The following HERC1 variants were observed in gnomAD, a reference collection of about 807,000 sequenced individuals.
HERC1 encodes the protein probable E3 ubiquitin-protein ligase HERC1.
HERC1 carries 160 observed loss-of-function variants against 554.3 expected under a neutral mutation model. The observed-to-expected ratio is 0.29, with a 90% CI of 0.25 to 0.33. HERC1 has a LOEUF of 0.33. Ranked by LOEUF, HERC1 falls within the 10% of genes least tolerant of loss-of-function variation. The pLI is 1.00. For missense variants in HERC1, 4,919 were observed against 5,918.5 expected, an observed-to-expected ratio of 0.83 and a Z score of 5.54; for synonymous variants, 2,175 against 2,131.7, an observed-to-expected ratio of 1.02 and a Z score of -0.56.
chr15:63,752,891 T>C, intron 8 of HERC1, 67 bp downstream of exon 8: 1 of 1,355,624 alleles, frequency 7.4e-7, no homozygotes, highest in Non-Finnish European at 1.0e-6. Context: ...TAAATACAAG[T>C]ATTACTTTTT....
chr15:63,822,115 G>A (rs1312356262), intron 1 of HERC1, among the ~76,000 whole-genome samples: 1 of 152,126 alleles, frequency 6.6e-6, no homozygotes, highest in Non-Finnish European at 1.5e-5. Context: ...AAAACTTGAG[G>A]AAAGGGACGA....
intron 55 of HERC1, among the ~76,000 whole-genome samples, chr15:63,647,451 A>G (rs2069416708): frequency 6.6e-6 from 1 of 152,142 alleles, no homozygotes; most frequent in Admixed American, 6.5e-5. Flanking sequence ...GGATTTCTCA[A>G]TGAACAAAAA....
intron 48 of HERC1, among the ~76,000 whole-genome samples, chr15:63,657,785 A>G (rs992744301): frequency 4.6e-5 from 7 of 152,078 alleles, no homozygotes; most frequent in Non-Finnish European, 1.0e-4. Context: ...TCTAATAGCC[A>G]CTTTATAACT....
intron 30 of HERC1, among the ~76,000 whole-genome samples, chr15:63,693,139 C>T (rs1265589971): frequency 6.6e-6 from 1 of 152,066 alleles, no homozygotes; most frequent in Non-Finnish European, 1.5e-5. Flanking sequence ...GATCATGCCA[C>T]TGCACTCCAG....
intron 42 of HERC1, among the ~76,000 whole-genome samples, chr15:63,665,616 A>G (rs1431111289): frequency 6.6e-6 from 1 of 152,270 alleles, no homozygotes; most frequent in Non-Finnish European, 1.5e-5. Flanking sequence ...TATCACTTGT[A>G]CGAGATAAAA....
rs558628958 is a variant in HERC1, at chr15:63,612,633, G to A, written c.14095-77C>T. ...CACCAAGGGCCCTGTGGGGCTAGGC[G>A]CCTCCTGATGCCTGCTCGTCCGCTC... On this transcript the variant is annotated intron_variant, in intron 76 of 77. Coordinates refer to ENST00000443617, the MANE Select transcript of HERC1 (RefSeq NM_003922.4). The surrounding 1 kb of genome is among the most constrained non-coding windows in gnomAD (Gnocchi z 5.0). 2.3e-5 allele frequency: 31 copies of A among 1,357,938 alleles called. No individual in the cohort carries two copies. The Middle Eastern group carries it at 5.8e-4, about 25-fold the overall frequency. 84.1% of individuals were successfully genotyped at this position (1,357,938 alleles called of 1,614,324 possible).
At chr15:63,763,676 T>C (rs898414617) in intron 3 of HERC1, among the ~76,000 whole-genome samples, 3 of 152,040 alleles carry the variant, frequency 2.0e-5, no homozygotes, top group South Asian at 2.1e-4. Flanking sequence ...AAAGTCACAA[T>C]AGTGGTTACT....
intron 1 of HERC1, among the ~76,000 whole-genome samples, chr15:63,802,492 A>G (rs1309161428): frequency 6.6e-6 from 1 of 152,232 alleles, no homozygotes; most frequent in Non-Finnish European, 1.5e-5. Context: ...TTCTAGAACC[A>G]CCAGTTCACA....
chr15:63,766,722 G>C (rs182213160), intron 2 of HERC1, among the ~76,000 whole-genome samples: 1,707 of 152,354 alleles, frequency 0.011, 16 homozygotes, highest in Non-Finnish European at 0.015. Flanking sequence ...TTGTTGCCCA[G>C]GCTGGAGTGC....
intron 34 of HERC1, among the ~76,000 whole-genome samples, chr15:63,683,334 T>TCTATAA (rs1369473051): frequency 1.3e-5 from 2 of 152,140 alleles, no homozygotes; most frequent in Non-Finnish European, 2.9e-5. Context: ...AAAACAAGTG[T>TCTATAA]CTATAACTGG....
chr15:63,711,565 T>C (rs572367929), intron 24 of HERC1, among the ~76,000 whole-genome samples: 65 of 152,372 alleles, frequency 4.3e-4, no homozygotes, highest in Non-Finnish European at 8.5e-4. Flanking sequence ...GAATCCTTTA[T>C]GGAAGCTTTT....
intron 64 of HERC1, chr15:63,637,089 C>T: frequency 2.2e-6 from 1 of 456,302 alleles, no homozygotes; most frequent in Non-Finnish European, 4.4e-6. Flanking sequence ...CAAAGGTGTT[C>T]TCTCTCCAAG....
At chr15:63,771,187 T>G (rs2075944200) in intron 2 of HERC1, among the ~76,000 whole-genome samples, 1 of 148,656 alleles carries the variant, frequency 6.7e-6, no homozygotes, top group African/African-American at 2.5e-5. Flanking sequence ...AAACTCTACC[T>G]CAAAAAAAAA....
intron 12 of HERC1, among the ~76,000 whole-genome samples, chr15:63,738,811 AT>A (rs1376232809): frequency 1.3e-5 from 2 of 152,128 alleles, no homozygotes; most frequent in African/African-American, 2.4e-5. Flanking sequence ...CCAAAATATA[AT>A]TTTTTAAGTT....
chr15:63,711,895 G>A (rs2073316098), intron 24 of HERC1, among the ~76,000 whole-genome samples: 1 of 152,104 alleles, frequency 6.6e-6, no homozygotes, highest in Non-Finnish European at 1.5e-5. Context: ...CACACACAAG[G>A]CAGAGGAACA....
At chr15:63,714,170 C>G (rs1469214411) in intron 22 of HERC1, among the ~76,000 whole-genome samples, 4 of 151,732 alleles carry the variant, frequency 2.6e-5, no homozygotes, top group African/African-American at 9.7e-5. Flanking sequence ...CGTTCACAAG[C>G]TTGGTGTGAA....
In HERC1 at chr15:63,634,854, G is replaced by C; in HGVS notation, c.12449C>G (p.Thr4150Ser). Residue 4150 changes from threonine to serine, a missense_variant, in exon 66 of 78, where the codon ACT becomes AGT. Coordinates refer to ENST00000443617, the MANE Select transcript of HERC1 (RefSeq NM_003922.4). ...SCGFKHSAVV[T>S]SDGKLFTFGN... Reference sequence around the variant, plus strand: ...AAAGGTGAACAGTTTGCCATCTGAAGTGACCACTGCTGAGTGCTTGAAGCC... The same window carrying C: ...AAAGGTGAACAGTTTGCCATCTGAACTGACCACTGCTGAGTGCTTGAAGCC... 6.2e-7 allele frequency: 1 copy of C among 1,613,696 alleles called. No individual in the cohort carries two copies. The highest frequency in any genetic ancestry group is 8.5e-7 in the Non-Finnish European group (1 of 1,179,780).
chr15:63,817,670 G>A (rs952664570), intron 1 of HERC1, among the ~76,000 whole-genome samples: 3 of 152,054 alleles, frequency 2.0e-5, no homozygotes, highest in South Asian at 2.1e-4. Flanking sequence ...AGCCAAGTTC[G>A]CGCCACTACA....
intron 25 of HERC1, among the ~76,000 whole-genome samples, chr15:63,702,946 A>T (rs1376502394): frequency 6.6e-6 from 1 of 152,116 alleles, no homozygotes; most frequent in Non-Finnish European, 1.5e-5. Context: ...TCTACTAAAA[A>T]TACAAAAATT....
Sources: allele counts gnomAD v4.1 joint callset (sites outside exome capture counted in the v4.1 genomes callset), GRCh38; gene constraint gnomAD v4.1.1; non-coding constraint Gnocchi (gnomAD v3.1); transcripts MANE v1.5; gene names NCBI Gene and HGNC (gene_info 2026-07-23, HGNC 2026-07-21).